FSTL5: variants seen among roughly 807,000 people sequenced by gnomAD.
FSTL5 encodes follistatin like 5.
In FSTL5, 62 loss-of-function variants were observed where a neutral mutation model predicts 89.1. The ratio of observed to expected loss-of-function variants is 0.70; its 90% CI spans 0.57 to 0.86. The LOEUF (loss-of-function observed/expected upper bound fraction) is 0.86, where lower values mean the gene tolerates loss of function less well. FSTL5 is among the 40% of genes least tolerant of loss of function. The probability of loss-of-function intolerance (pLI) is 0.00; values close to 1 mark genes in which losing one functional copy is unlikely to be tolerated. For missense variants in FSTL5, 1,057 were observed against 1,001.6 expected, an observed-to-expected ratio of 1.06 and a Z score of -0.75; for synonymous variants, 383 against 346.2, an observed-to-expected ratio of 1.11 and a Z score of -1.18.
At position 161,567,324 on chromosome 4, in the gene FSTL5, T is replaced by C. The variant is rs1483021138; in HGVS notation, c.1015+20131A>G. Among the ~76,000 whole-genome samples, 3 of 152,116 alleles carry C rather than the reference T, an allele frequency of 2.0e-5. No individual in the cohort carries two copies. The East Asian group carries it at 5.8e-4, about 29-fold the overall frequency. On this transcript the variant is annotated intron_variant, in intron 8 of 15. Coordinates refer to ENST00000306100, the MANE Select transcript of FSTL5 (RefSeq NM_020116.5). ...AAACATATGGATTAACAAGTACACA[T>C]GCAAATTGCAAAAGGTGCTTAAAAT...
At chr4:161,651,504 A>C (rs1433852001) in intron 7 of FSTL5, among the ~76,000 whole-genome samples, 1 of 152,094 alleles carries the variant, frequency 6.6e-6, no homozygotes, top group African/African-American at 2.4e-5. Flanking sequence ...TACTCTTTGA[A>C]ACAAATATAA....
intron 6 of FSTL5, among the ~76,000 whole-genome samples, chr4:161,697,236 A>T (rs1738202283): frequency 6.6e-6 from 1 of 152,088 alleles, no homozygotes; most frequent in Non-Finnish European, 1.5e-5. Flanking sequence ...GAAATACCAA[A>T]ATTCCTCAAA....
chr4:161,898,135 T>C (rs1371654406), intron 4 of FSTL5, among the ~76,000 whole-genome samples: 3 of 148,356 alleles, frequency 2.0e-5, no homozygotes, highest in African/African-American at 7.3e-5. Context: ...AAACATAAGG[T>C]TAAATATATT....
rs187054838 is a variant in FSTL5, at chr4:161,729,245, G to A, written c.727+30166C>T. Among the ~76,000 whole-genome samples, 187 of 152,080 alleles carry A rather than the reference G, an allele frequency of 1.2e-3. 1 individual carries two copies. The highest frequency in any genetic ancestry group is 4.3e-3 in the African/African-American group (179 of 41,484). The stretch of plus-strand genomic sequence containing the variant: ...TAACAAATGATTTTTTTAAATTTAC[G>A]TTTAAGAAAGTTTTAGAGCATAATC... On this transcript the variant is annotated intron_variant, in intron 6 of 15. Transcript: ENST00000306100.
chr4:161,741,084 T>A (rs1740010817), intron 6 of FSTL5, among the ~76,000 whole-genome samples: 1 of 152,148 alleles, frequency 6.6e-6, no homozygotes, highest in South Asian at 2.1e-4. Context: ...ACACTGATAA[T>A]CAAGTTTCAA....
chr4:161,582,385 T>C (rs1225637807), intron 8 of FSTL5, among the ~76,000 whole-genome samples: 1 of 152,230 alleles, frequency 6.6e-6, no homozygotes, highest in Non-Finnish European at 1.5e-5. Flanking sequence ...TGCTATTTGG[T>C]AGATAATTTG....
intron 5 of FSTL5, among the ~76,000 whole-genome samples, chr4:161,765,868 T>G (rs1398741776): frequency 6.6e-6 from 1 of 151,828 alleles, no homozygotes; most frequent in Non-Finnish European, 1.5e-5. Context: ...CAATCTCGGC[T>G]CACTGCAACC....
chr4:161,628,394 A>G (rs1400585504), intron 7 of FSTL5, among the ~76,000 whole-genome samples: 4 of 152,180 alleles, frequency 2.6e-5, no homozygotes, highest in Admixed American at 6.5e-5. Context: ...AAGGTCTTAG[A>G]TGGATATGTT....
At chr4:161,425,169 G>A (rs556965182) in intron 15 of FSTL5, among the ~76,000 whole-genome samples, 1 of 152,226 alleles carries the variant, frequency 6.6e-6, no homozygotes, top group Admixed American at 6.5e-5. Context: ...ATAACACACT[G>A]CAAATGAGCT....
chr4:161,581,330 C>A (rs1386202994), intron 8 of FSTL5, among the ~76,000 whole-genome samples: 1 of 152,184 alleles, frequency 6.6e-6, no homozygotes, highest in Non-Finnish European at 1.5e-5. Context: ...GCTAGGGTAA[C>A]CCTCTAGCTT....
chr4:162,094,838 G>T (rs959877708), intron 2 of FSTL5, among the ~76,000 whole-genome samples: 17 of 152,060 alleles, frequency 1.1e-4, no homozygotes, highest in African/African-American at 3.9e-4. Context: ...TCTAAATATG[G>T]ATTGAAGTAT....
Position 161,481,113 on chromosome 4 carries a change from T to A in FSTL5, c.1515A>T (p.Ser505=), listed in dbSNP as rs759439551. 1 of 1,613,110 alleles carries A rather than the reference T, an allele frequency of 6.2e-7. No homozygotes were observed. Among genetic ancestry groups the A allele is most frequent in the South Asian group, 1.1e-5 (1 of 90,964 alleles). Residue 505 remains serine, a synonymous_variant, in exon 13 of 16, where the codon TCA becomes TCT. Coordinates refer to ENST00000306100, the MANE Select transcript of FSTL5 (RefSeq NM_020116.5). ...TGAACTTGTCTTTGACATTAACAGC[T>A]GATGCCCACACACACCTCTGAACTT... ...GDEVQRCVWA[S]AVNVKDKFIY...
chr4:161,747,454 G>C (rs1740239050), intron 6 of FSTL5, among the ~76,000 whole-genome samples: 1 of 152,118 alleles, frequency 6.6e-6, no homozygotes, highest in Non-Finnish European at 1.5e-5. Context: ...ATTCAATAAA[G>C]TGTTATTATC....
chr4:162,117,470 C>G (rs1261602206), intron 1 of FSTL5, among the ~76,000 whole-genome samples: 1 of 152,104 alleles, frequency 6.6e-6, no homozygotes, highest in African/African-American at 2.4e-5. Context: ...GCTAGAGATA[C>G]CTGTTTGGGG....
intron 6 of FSTL5, among the ~76,000 whole-genome samples, chr4:161,725,670 G>C (rs1739372448): frequency 6.6e-6 from 1 of 152,066 alleles, no homozygotes; most frequent in African/African-American, 2.4e-5. Context: ...AAACATAAAA[G>C]AGTCAATTCT....
chr4:162,112,645 T>A (rs2111410677), intron 1 of FSTL5, among the ~76,000 whole-genome samples: 1 of 152,266 alleles, frequency 6.6e-6, no homozygotes, highest in East Asian at 1.9e-4. Flanking sequence ...CTCTACTTTC[T>A]GAATTTCTGG....
At chr4:161,657,170 TTGAAATC>T (rs1736548097) in intron 6 of FSTL5, among the ~76,000 whole-genome samples, 1 of 152,202 alleles carries the variant, frequency 6.6e-6, no homozygotes, top group South Asian at 2.1e-4. Flanking sequence ...ACAACATTAT[TTGAAATC>T]TGCATATGGC....
At chr4:161,556,844 G>A (rs1017108337) in intron 8 of FSTL5, among the ~76,000 whole-genome samples, 45 of 144,890 alleles carry the variant, frequency 3.1e-4, no homozygotes, top group South Asian at 1.3e-3. Flanking sequence ...GTGTGTGTGT[G>A]TGTATATATA....
At chr4:161,400,649 G>T (rs1049219450) in intron 15 of FSTL5, among the ~76,000 whole-genome samples, 79 of 152,084 alleles carry the variant, frequency 5.2e-4, no homozygotes, top group African/African-American at 1.8e-3. Context: ...GTATAAGAAA[G>T]GGCATAGTTA....
Sources: allele counts gnomAD v4.1 joint callset (sites outside exome capture counted in the v4.1 genomes callset), GRCh38; gene constraint gnomAD v4.1.1; transcripts MANE v1.5; gene names NCBI Gene and HGNC (gene_info 2026-07-23, HGNC 2026-07-21).